The following PDHX variants were observed in gnomAD, a reference collection of about 807,000 sequenced individuals.
PDHX encodes the protein pyruvate dehydrogenase protein X component, mitochondrial.
A neutral mutation model predicts 55.3 loss-of-function variants in PDHX; 33 were observed. That is an observed-to-expected ratio of 0.60 (90% CI 0.45 to 0.80). The LOEUF is 0.80. PDHX is among the 30% of genes least tolerant of loss of function. The pLI, the probability that PDHX is intolerant of heterozygous loss-of-function variation, is 0.00. For synonymous variants in PDHX, 226 were observed against 219.4 expected (o/e 1.03, Z -0.27); for missense variants, 622 against 619.9 (o/e 1.00, Z -0.04).
At chr11:34,965,553 C>A (rs1855112968) in intron 5 of PDHX, among the ~76,000 whole-genome samples, 1 of 152,112 alleles carries the variant, frequency 6.6e-6, no homozygotes, top group Admixed American at 6.6e-5. Flanking sequence ...AATTTTGTCA[C>A]ATAATAGGAC....
rs755687648 is a variant in PDHX at position 34,984,621 on chromosome 11, C to T, written c.1075C>T (p.Pro359Ser). The change falls in exon 9 of 11, where the codon CCA (proline) becomes TCA (serine). Residue 359 changes from proline (P) to serine (S), a missense_variant. By Grantham distance (74) the Pro-to-Ser change is moderately conservative. Transcript: ENST00000227868. ...SWDGEGPKQLPFIDISVAVAT... is the reference protein window; with the variant it reads ...SWDGEGPKQLSFIDISVAVAT... ...GGATGGAGAGGGCCCAAAGCAACTG[C>T]CATTTATTGACATTTCAGTGGCTGT... is the stretch of plus-strand genomic sequence containing the variant. 1.9e-6 allele frequency: 3 copies of T among 1,613,698 alleles called. No individual in the cohort carries two copies. In the African/African-American group the frequency reaches 4.0e-5, roughly 22 times the overall value.
At chr11:34,965,612 A>G (rs1855114217) in intron 5 of PDHX, among the ~76,000 whole-genome samples, 1 of 152,158 alleles carries the variant, frequency 6.6e-6, no homozygotes, top group Non-Finnish European at 1.5e-5. Context: ...GATACAGTCA[A>G]GAGGGATGAT....
At position 34,969,243 on chromosome 11, in the gene PDHX, A is replaced by T. The variant is rs367961216; in HGVS notation, c.817-896A>T. On this transcript the variant is annotated intron_variant, in intron 6 of 10. Coordinates refer to ENST00000227868, the MANE Select transcript of PDHX (RefSeq NM_003477.3). ...TGACTTATGATATTTTAAACTTACG[A>T]TGGGTTCATCAGAGTGTCACTTCAT... 1.2e-4 allele frequency among the ~76,000 whole-genome samples: 19 copies of T among 152,200 alleles called. No homozygotes were observed. In the South Asian group the frequency reaches 1.7e-3, roughly 13 times the overall value.
intron 1 of PDHX, among the ~76,000 whole-genome samples, chr11:34,918,596 C>G (rs543948188): frequency 6.6e-6 from 1 of 152,286 alleles, no homozygotes; most frequent in South Asian, 2.1e-4. Flanking sequence ...GTTTGAATAC[C>G]ATCTGTCAGG....
At chr11:34,935,003 G>T (rs985828920) in intron 2 of PDHX, among the ~76,000 whole-genome samples, 19 of 152,108 alleles carry the variant, frequency 1.2e-4, no homozygotes, top group African/African-American at 4.6e-4. Flanking sequence ...GTATCTCTGG[G>T]ATTAGCTTCA....
At position 34,995,179 on chromosome 11, in the gene PDHX, A is replaced by G. The variant is rs546073588; in HGVS notation, c.*7A>G. The G allele has an allele frequency of 1.2e-6, 2 of 1,613,602 alleles. No individual in the cohort carries two copies. The highest frequency in any genetic ancestry group is 4.5e-5 in the East Asian group (2 of 44,878). On this transcript the variant is annotated 3_prime_UTR_variant, in exon 11 of 11. Coordinates refer to ENST00000227868, the MANE Select transcript of PDHX (RefSeq NM_003477.3). ...TCCTATCCGACTTGCCTAGTCCTCAAAGATAAGAAGTTGGTGTTCAGCTTA... is the reference window on the plus strand; with the variant it reads ...TCCTATCCGACTTGCCTAGTCCTCAGAGATAAGAAGTTGGTGTTCAGCTTA...
chr11:34,957,659 CAT>C, intron 4 of PDHX, 76 bp downstream of exon 4: 1 of 1,117,622 alleles, frequency 8.9e-7, no homozygotes, highest in Non-Finnish European at 1.3e-6. Context: ...TAATCATTAT[CAT>C]ATTCGCACAT....
intron 1 of PDHX, among the ~76,000 whole-genome samples, chr11:34,930,432 C>T (rs891377574): frequency 1.3e-4 from 20 of 152,190 alleles, no homozygotes; most frequent in African/African-American, 4.8e-4. Flanking sequence ...TTGCTTTTAA[C>T]CCTAAAACAT....
intron 2 of PDHX, among the ~76,000 whole-genome samples, chr11:34,942,088 C>A (rs1330678945): frequency 6.6e-6 from 1 of 152,252 alleles, no homozygotes; most frequent in African/African-American, 2.4e-5. Flanking sequence ...TTCCACTCTT[C>A]TCCACTTTAA....
At position 34,995,564 on chromosome 11, in the gene PDHX, A is replaced by C; in HGVS notation, c.*392A>C. 1 of 271,306 alleles carries C rather than the reference A, an allele frequency of 3.7e-6. No homozygotes were observed. The highest frequency in any genetic ancestry group is 3.9e-5 in the South Asian group (1 of 25,956). The allele number at this position is 271,306 out of a possible 1,614,324, so 16.8% of individuals were successfully genotyped here. On this transcript the variant is annotated 3_prime_UTR_variant, in exon 11 of 11. Transcript: ENST00000227868. ...TAGAACTGTACCATAATTATGTTGA[A>C]GGTAGAAGTGATCTTCAAAGAGATG... is the stretch of plus-strand genomic sequence containing the variant.
At chr11:34,980,499 A>G (rs1855487551) in intron 8 of PDHX, among the ~76,000 whole-genome samples, 1 of 151,358 alleles carries the variant, frequency 6.6e-6, no homozygotes, top group Admixed American at 6.6e-5. Context: ...TCTTCTTTAC[A>G]TTTTGTAATT....
chr11:34,970,354 A>T, intron 7 of PDHX, 68 bp downstream of exon 7: 1 of 1,240,806 alleles, frequency 8.1e-7, no homozygotes. Flanking sequence ...TCCTTTATAA[A>T]ATTATAAAAT....
At chr11:34,960,292 T>C in intron 4 of PDHX, 128 bp from the exon 5 acceptor site, 1 of 664,622 alleles carries the variant, frequency 1.5e-6, no homozygotes, top group South Asian at 1.7e-5. Flanking sequence ...TGTGACCATC[T>C]GTGGGAGTCA....
chr11:34,971,113 C>T (rs767690506), intron 7 of PDHX, among the ~76,000 whole-genome samples: 25 of 151,964 alleles, frequency 1.6e-4, no homozygotes, highest in Non-Finnish European at 2.1e-4. Context: ...TTATAAATAT[C>T]TTATATATTC....
chr11:34,994,781 C>T, intron 10 of PDHX, 133 bp from the exon 11 acceptor site: 1 of 902,794 alleles, frequency 1.1e-6, no homozygotes, highest in Non-Finnish European at 1.8e-6. Context: ...TAAATGTTTC[C>T]TTTTTTCATT....
intron 1 of PDHX, among the ~76,000 whole-genome samples, chr11:34,924,776 A>G (rs1457733797): frequency 6.6e-6 from 1 of 152,194 alleles, no homozygotes; most frequent in Non-Finnish European, 1.5e-5. Context: ...AAAGGCTTGT[A>G]ACAGTACAGT....
chr11:34,929,136 T>C (rs540880874), intron 1 of PDHX, among the ~76,000 whole-genome samples: 1 of 113,746 alleles, frequency 8.8e-6, no homozygotes, highest in South Asian at 3.0e-4. Context: ...AGGAAACTCA[T>C]TGTGGCTATT....
At position 34,953,820 on chromosome 11, in the gene PDHX, G is replaced by T. The variant is rs571489645; in HGVS notation, c.343-3564G>T. Among the ~76,000 whole-genome samples the T allele has an allele frequency of 5.3e-5, 8 of 152,232 alleles. No homozygotes were observed. In the South Asian group the frequency reaches 1.0e-3, roughly 20 times the overall value. ...GCCTTAATTTTCTCATCTATAAATGGGAATAATGATAGTATTTACCTCAGA... is the reference window on the plus strand; with the variant it reads ...GCCTTAATTTTCTCATCTATAAATGTGAATAATGATAGTATTTACCTCAGA... On this transcript the variant is annotated intron_variant, in intron 3 of 10. Transcript: ENST00000227868.
At chr11:34,929,313 C>T (rs1007504125) in intron 1 of PDHX, among the ~76,000 whole-genome samples, 2 of 152,166 alleles carry the variant, frequency 1.3e-5, no homozygotes, top group Non-Finnish European at 2.9e-5. Context: ...TCACTGCAAC[C>T]ATCTCCTCCC....
Sources: gnomAD v4.1 joint callset for allele counts (sites outside exome capture counted in the v4.1 genomes callset) on GRCh38, gnomAD v4.1.1 for gene constraint, MANE v1.5 for transcripts, NCBI Gene and HGNC (gene_info 2026-07-23, HGNC 2026-07-21) for gene names.